Variants in IL1RAPL2 observed in about 807,000 individuals in gnomAD.
IL1RAPL2 encodes the protein interleukin 1 receptor accessory protein like 2.
A neutral mutation model predicts 44.1 loss-of-function variants in IL1RAPL2; 3 were observed. The observed-to-expected ratio is 0.07, with a 90% CI of 0.03 to 0.18. The LOEUF is 0.18. Ranked by LOEUF, IL1RAPL2 falls within the 10% of genes least tolerant of loss-of-function variation. The pLI, the probability that IL1RAPL2 is intolerant of heterozygous loss-of-function variation, is 1.00. For synonymous variants in IL1RAPL2, 181 were observed against 178.8 expected, an observed-to-expected ratio of 1.01 and a Z score of -0.10; for missense variants, 391 against 496.4, an observed-to-expected ratio of 0.79 and a Z score of 2.02.
intron 2 of IL1RAPL2, among the ~76,000 whole-genome samples, chrX:104,725,113 T>C (rs1931762248): frequency 9.0e-6 from 1 of 111,410 alleles, no homozygotes; most frequent in African/African-American, 3.3e-5. Context: ...CAGCTACCAC[T>C]TATGAGTGAG....
intron 2 of IL1RAPL2, among the ~76,000 whole-genome samples, chrX:104,709,424 C>T (rs933967139): frequency 2.1e-4 from 23 of 110,623 alleles, no homozygotes; most frequent in African/African-American, 7.2e-4. Context: ...TTTCACACCT[C>T]GCTTGAATGG....
intron 6 of IL1RAPL2, among the ~76,000 whole-genome samples, chrX:105,502,489 G>A (rs1287631990): frequency 9.0e-6 from 1 of 111,179 alleles, no homozygotes; most frequent in Admixed American, 9.6e-5. Flanking sequence ...TGTAAAATGA[G>A]ATCATCTGTG....
chrX:105,556,874 AAAAAT>A (rs1431096611), intron 6 of IL1RAPL2, among the ~76,000 whole-genome samples: 2 of 112,030 alleles, frequency 1.8e-5, no homozygotes, highest in East Asian at 5.6e-4. Context: ...AACAAATACA[AAAAAT>A]AAACTAATAT....
At chrX:105,168,843 A>G (rs1451805423) in intron 2 of IL1RAPL2, among the ~76,000 whole-genome samples, 2 of 110,468 alleles carry the variant, frequency 1.8e-5, no homozygotes, top group Admixed American at 1.9e-4. Context: ...TCAGATGGTA[A>G]TCTCATCCAG....
intron 6 of IL1RAPL2, among the ~76,000 whole-genome samples, chrX:105,632,916 C>A (rs1269285648): frequency 8.9e-6 from 1 of 111,831 alleles, no homozygotes; most frequent in Non-Finnish European, 1.9e-5. Context: ...TTACACAAAA[C>A]CCAGTTTATC....
At chrX:105,378,025 A>C (rs1261191736) in intron 5 of IL1RAPL2, among the ~76,000 whole-genome samples, 2 of 112,018 alleles carry the variant, frequency 1.8e-5, no homozygotes, top group Non-Finnish European at 3.8e-5. Context: ...TGCCATCAAA[A>C]AATGGAATAA....
chrX:105,523,024 G>A (rs1397148816), intron 6 of IL1RAPL2, among the ~76,000 whole-genome samples: 1 of 111,237 alleles, frequency 9.0e-6, no homozygotes, highest in Non-Finnish European at 1.9e-5. Flanking sequence ...TTTCCAGTCT[G>A]CTATTTTCCA....
chrX:104,735,945 G>C (rs532846056), intron 2 of IL1RAPL2, among the ~76,000 whole-genome samples: 1 of 110,795 alleles, frequency 9.0e-6, no homozygotes, highest in South Asian at 3.9e-4. Context: ...CCATATTATG[G>C]CCCACCCTAT....
chrX:105,256,181 CCCT>C (rs1422662726), intron 4 of IL1RAPL2, among the ~76,000 whole-genome samples: 1 of 110,724 alleles, frequency 9.0e-6, no homozygotes, highest in Admixed American at 9.5e-5. Context: ...GGGGAGGAGT[CCCT>C]CCTCCTCAAT....
chrX:104,742,029 T>C (rs755740855), intron 2 of IL1RAPL2, among the ~76,000 whole-genome samples: 30 of 110,962 alleles, frequency 2.7e-4, no homozygotes, highest in Non-Finnish European at 4.4e-4. Context: ...CTGAACTAAA[T>C]TATAAGCACA....
At chrX:104,593,755 C>A (rs1205508336) in intron 1 of IL1RAPL2, among the ~76,000 whole-genome samples, 1 of 111,985 alleles carries the variant, frequency 8.9e-6, no homozygotes, top group Non-Finnish European at 1.9e-5. Context: ...TGCTGCTTTA[C>A]CTTTCCATGC....
intron 2 of IL1RAPL2, among the ~76,000 whole-genome samples, chrX:105,015,161 T>C (rs2031147730): frequency 1.0e-5 from 1 of 98,788 alleles, no homozygotes; most frequent in African/African-American, 5.0e-5. Context: ...TTGATGGGGT[T>C]TTTTTTTTCT....
At chrX:105,348,252 T>C (rs1297337024) in intron 5 of IL1RAPL2, among the ~76,000 whole-genome samples, 1 of 111,624 alleles carries the variant, frequency 9.0e-6, no homozygotes, top group Non-Finnish European at 1.9e-5. Context: ...GGTATCTAGC[T>C]AGAGCCTTTC....
At chrX:104,920,415 G>T (rs754576291) in intron 2 of IL1RAPL2, among the ~76,000 whole-genome samples, 94 of 109,423 alleles carry the variant, frequency 8.6e-4, no homozygotes, top group Non-Finnish European at 1.6e-3. Context: ...GGTGGGGCCT[G>T]GTGGGAGGTG....
At chrX:105,554,316 TCTTTTTG>T (rs760824071) in intron 6 of IL1RAPL2, among the ~76,000 whole-genome samples, 57 of 112,636 alleles carry the variant, frequency 5.1e-4, no homozygotes, top group Middle Eastern at 4.6e-3. Flanking sequence ...ATAAAATTTT[TCTTTTTG>T]CTTTTTGCTT....
intron 2 of IL1RAPL2, among the ~76,000 whole-genome samples, chrX:104,844,193 G>A (rs906587696): frequency 2.7e-5 from 3 of 109,954 alleles, no homozygotes; most frequent in East Asian, 2.9e-4. Context: ...TTAAACCAAT[G>A]TGCTACACTT....
chrX:104,989,046 G>A (rs1370062805), intron 2 of IL1RAPL2, among the ~76,000 whole-genome samples: 1 of 111,726 alleles, frequency 9.0e-6, no homozygotes, highest in Non-Finnish European at 1.9e-5. Context: ...CAAAGTGTGT[G>A]TATATCCTCC....
intron 5 of IL1RAPL2, among the ~76,000 whole-genome samples, chrX:105,416,125 T>C (rs1259652780): frequency 1.8e-5 from 2 of 112,132 alleles, no homozygotes; most frequent in African/African-American, 6.5e-5. Context: ...GATATGGATG[T>C]AGGTATAGAT....
intron 2 of IL1RAPL2, among the ~76,000 whole-genome samples, chrX:105,035,807 T>G (rs1265725689): frequency 8.9e-6 from 1 of 112,663 alleles, no homozygotes; most frequent in Admixed American, 9.4e-5. Flanking sequence ...AAAAGCAATG[T>G]GTACCTTTTA....
Sources: gnomAD v4.1 joint callset for allele counts (sites outside exome capture counted in the v4.1 genomes callset) on GRCh38, gnomAD v4.1.1 for gene constraint, MANE v1.5 for transcripts, NCBI Gene and HGNC (gene_info 2026-07-23, HGNC 2026-07-21) for gene names.